The following SPIRE1 variants were observed in gnomAD, a reference collection of about 807,000 sequenced individuals.
The protein encoded by SPIRE1 is spire type actin nucleation factor 1.
A neutral mutation model predicts 94.1 loss-of-function variants in SPIRE1; 40 were observed. The ratio of observed to expected loss-of-function variants is 0.43; its 90% CI spans 0.33 to 0.55. The LOEUF is 0.55. SPIRE1 is among the 20% of genes least tolerant of loss of function. The probability of loss-of-function intolerance (pLI) is 0.06; values close to 1 mark genes in which losing one functional copy is unlikely to be tolerated. For synonymous variants in SPIRE1, 376 were observed against 371.7 expected (o/e 1.01, Z -0.13); for missense variants, 838 against 975.2 (o/e 0.86, Z 1.87).
chr18:12,470,605 A>G (rs2032317547), intron 10 of SPIRE1, among the ~76,000 whole-genome samples: 1 of 152,170 alleles, frequency 6.6e-6, no homozygotes, highest in South Asian at 2.1e-4. Flanking sequence ...GTCTCCTGAG[A>G]GAAGGGTGTG....
At chr18:12,661,404 A>G (rs552557332), upstream of SPIRE1, 2 of 972,048 alleles carry the variant, frequency 2.1e-6, no homozygotes, top group Non-Finnish European at 1.2e-6. Flanking sequence ...CCAGCCATTG[A>G]TATCTTCTCA....
At chr18:12,472,394 G>A (rs2032397687) in intron 10 of SPIRE1, among the ~76,000 whole-genome samples, 2 of 149,304 alleles carry the variant, frequency 1.3e-5, no homozygotes, top group Non-Finnish European at 3.0e-5. Context: ...TTGAGACAGG[G>A]TCTCACTCTA....
chr18:12,506,347 C>G (rs1188819617), intron 6 of SPIRE1, 130 bp downstream of exon 6: 2 of 767,438 alleles, frequency 2.6e-6, no homozygotes, highest in East Asian at 5.0e-5. Flanking sequence ...TTGGTACAGA[C>G]AGGGATTCAC....
intron 3 of SPIRE1, among the ~76,000 whole-genome samples, chr18:12,540,042 C>G (rs1029388243): frequency 1.3e-5 from 2 of 151,554 alleles, no homozygotes; most frequent in Non-Finnish European, 2.9e-5. Flanking sequence ...GTAGGTGGCA[C>G]CAGAGCAGAG....
chr18:12,636,618 A>G (rs1487432354), intron 1 of SPIRE1, among the ~76,000 whole-genome samples: 1 of 152,108 alleles, frequency 6.6e-6, no homozygotes, highest in East Asian at 1.9e-4. Context: ...ACCAGAAAAT[A>G]AGGGGCCTTA....
chr18:12,569,941 C>T (rs2035922473), intron 2 of SPIRE1, among the ~76,000 whole-genome samples: 1 of 152,236 alleles, frequency 6.6e-6, no homozygotes, highest in African/African-American at 2.4e-5. Context: ...GTCATATCTA[C>T]TTGTTTATCC....
chr18:12,523,393 G>T (rs1020400741), intron 4 of SPIRE1, among the ~76,000 whole-genome samples: 1 of 152,198 alleles, frequency 6.6e-6, no homozygotes, highest in South Asian at 2.1e-4. Context: ...GACAACAAAA[G>T]ATTTCAAAAA....
intron 12 of SPIRE1, among the ~76,000 whole-genome samples, chr18:12,461,526 G>GTAT (rs1233559373): frequency 1.8e-5 from 1 of 56,850 alleles, no homozygotes; most frequent in Non-Finnish European, 5.0e-5. Context: ...ACATATGTGT[G>GTAT]GTATGTACGT....
chr18:12,558,907 A>G (rs1250589012), intron 2 of SPIRE1, among the ~76,000 whole-genome samples: 2 of 152,102 alleles, frequency 1.3e-5, no homozygotes, highest in Non-Finnish European at 2.9e-5. Context: ...TGATTGGTGC[A>G]TTTACAAACC....
At chr18:12,548,106 C>T (rs1467197703) in intron 2 of SPIRE1, among the ~76,000 whole-genome samples, 1 of 152,158 alleles carries the variant, frequency 6.6e-6, no homozygotes, top group African/African-American at 2.4e-5. Flanking sequence ...TGAGACTATG[C>T]ATTCACTATG....
At chr18:12,570,163 A>G (rs139999582) in intron 2 of SPIRE1, among the ~76,000 whole-genome samples, 13 of 152,280 alleles carry the variant, frequency 8.5e-5, no homozygotes, top group African/African-American at 2.4e-4. Flanking sequence ...TGACTTCCTA[A>G]AAGTATTGGA....
At chr18:12,553,917 G>A (rs987886903) in intron 2 of SPIRE1, among the ~76,000 whole-genome samples, 2 of 151,958 alleles carry the variant, frequency 1.3e-5, no homozygotes, top group African/African-American at 4.8e-5. Flanking sequence ...TTTTTGAAAA[G>A]ACAAATAAAA....
chr18:12,546,133 G>A (rs2035159598), intron 3 of SPIRE1, among the ~76,000 whole-genome samples: 2 of 151,962 alleles, frequency 1.3e-5, no homozygotes, highest in Non-Finnish European at 2.9e-5. Context: ...GGGACTACAG[G>A]TGCCCGCCAC....
chr18:12,562,978 G>A (rs1442337406), intron 2 of SPIRE1, among the ~76,000 whole-genome samples: 3 of 152,108 alleles, frequency 2.0e-5, no homozygotes, highest in African/African-American at 4.8e-5. Flanking sequence ...GAGTGGTGAT[G>A]AGTATATTTG....
rs146198515 is a variant in SPIRE1 at position 12,511,864 on chromosome 18, ACAGGCACATGCCAC to A, written c.807+576_807+589del. ...CTCAGCCTCCCAAGTAGCTGGAACC[ACAGGCACATGCCAC>A]CAGCCCGGCTAATTTTTTTATTTTA... On this transcript the variant is annotated intron_variant, in intron 5 of 16. Transcript: ENST00000409402. Among the ~76,000 whole-genome samples the A allele has an allele frequency of 6.8e-4, 104 of 152,210 alleles. 1 individual carries two copies. Among genetic ancestry groups the A allele is most frequent in the African/African-American group, 2.5e-3 (102 of 41,548 alleles).
At chr18:12,495,049 C>CAA (rs773920267) in intron 7 of SPIRE1, among the ~76,000 whole-genome samples, 4,175 of 80,886 alleles carry the variant, frequency 0.052, 195 homozygotes, top group Admixed American at 0.12. Context: ...GACTCTGTCT[C>CAA]AAAAAAAAAA....
At chr18:12,609,941 T>C (rs561917250) in intron 2 of SPIRE1, among the ~76,000 whole-genome samples, 3 of 152,154 alleles carry the variant, frequency 2.0e-5, no homozygotes, top group African/African-American at 7.2e-5. Flanking sequence ...AGACTAAACC[T>C]GAATCTCCTC....
chr18:12,568,452 A>G (rs553625356), intron 2 of SPIRE1, among the ~76,000 whole-genome samples: 19 of 152,038 alleles, frequency 1.2e-4, no homozygotes, highest in Non-Finnish European at 2.6e-4. Flanking sequence ...TGTATGTCCA[A>G]CTCCACTCAT....
At chr18:12,636,488 C>A (rs2037932620) in intron 1 of SPIRE1, 1 of 149,510 alleles carries the variant, frequency 6.7e-6, no homozygotes, top group African/African-American at 2.5e-5. Context: ...AAATTGAAAC[C>A]ACAATTTCTT....
Sources: allele counts gnomAD v4.1 joint callset (sites outside exome capture counted in the v4.1 genomes callset), GRCh38; gene constraint gnomAD v4.1.1; transcripts MANE v1.5; gene names NCBI Gene and HGNC (gene_info 2026-07-23, HGNC 2026-07-21).